RAPGEF5: variants seen among roughly 807,000 people sequenced by gnomAD.
The protein encoded by RAPGEF5 is Rap guanine nucleotide exchange factor 5, also known as M-Ras-regulated GEF.
RAPGEF5 carries 65 observed loss-of-function variants against 125.2 expected under a neutral mutation model. The observed-to-expected ratio is 0.52, with a 90% CI of 0.43 to 0.64. RAPGEF5 has a LOEUF of 0.64. Among genes scored for constraint, RAPGEF5 ranks in the 30% least tolerant of loss-of-function variants. The probability of loss-of-function intolerance (pLI) is 0.00; values close to 1 mark genes in which losing one functional copy is unlikely to be tolerated. For missense variants in RAPGEF5, 958 were observed against 1,048.1 expected, an observed-to-expected ratio of 0.91 and a Z score of 1.19; for synonymous variants, 391 against 385.9, an observed-to-expected ratio of 1.01 and a Z score of -0.16.
At chr7:22,291,146 C>T (rs1427229040) in intron 6 of RAPGEF5, 29 bp downstream of exon 6, 1 of 1,559,646 alleles carries the variant, frequency 6.4e-7, no homozygotes, top group Non-Finnish European at 8.7e-7. Flanking sequence ...ATTTCTGCAC[C>T]CCTAGGCAGG....
At position 22,120,340 on chromosome 7, in the gene RAPGEF5, T is replaced by G. The variant is rs192914203; in HGVS notation, c.*2066A>C. On this transcript the variant is annotated 3_prime_UTR_variant, in exon 26 of 26. Transcript: ENST00000665637. The surrounding 1 kb of genome is among the most constrained non-coding windows in gnomAD (Gnocchi z 4.0). ...TATCTGACTTGGGGTCTGAGCAGCA[T>G]GCAATATGCTGAAATAGTTCTCCAT... 6.6e-6 allele frequency: 1 copy of G among 152,430 alleles called. No individual in the cohort carries two copies. Among genetic ancestry groups the G allele is most frequent in the East Asian group, 1.9e-4 (1 of 5,186 alleles). 9.4% of individuals were successfully genotyped at this position (152,430 alleles called of 1,614,324 possible). A position where few individuals can be genotyped will look rare whatever the true frequency, so the allele number is the denominator to read the frequency against.
chr7:22,302,550 G>A (rs1004411276), intron 5 of RAPGEF5, among the ~76,000 whole-genome samples: 7 of 152,098 alleles, frequency 4.6e-5, no homozygotes, highest in African/African-American at 9.7e-5. Flanking sequence ...GACCAGTGAG[G>A]ATGAAAAAAT....
At chr7:22,252,815 G>T (rs564751800) in intron 7 of RAPGEF5, among the ~76,000 whole-genome samples, 3 of 152,222 alleles carry the variant, frequency 2.0e-5, no homozygotes, top group African/African-American at 7.2e-5. Flanking sequence ...TCTGCTGAAT[G>T]CATTTTCAAT....
In RAPGEF5 at chr7:22,136,950, C is replaced by A; in HGVS notation, c.2311G>T (p.Glu771Ter). 2 of 1,586,948 alleles carry A rather than the reference C, an allele frequency of 1.3e-6. No homozygotes were observed. The highest frequency in any genetic ancestry group is 8.6e-7 in the Non-Finnish European group (1 of 1,162,192). Reference sequence around the variant, plus strand: ...CTACTTACTGTTAAACTTTCAAGTTCAGAGAAAAGTTTCTTAAACTTCCCA... The same window carrying A: ...CTACTTACTGTTAAACTTTCAAGTTAAGAGAAAAGTTTCTTAAACTTCCCA... ...IPGKFKKLFS[E>*]LESLTDPSLN... Residue 771 changes from glutamate (E) to a stop codon, truncating the protein, a stop_gained, in exon 22 of 26, where the codon GAA (glutamate) becomes TAA (stop). Transcript: ENST00000665637. LOFTEE classifies it high-confidence loss of function.
At chr7:22,353,520 G>A (rs1485451875) in intron 1 of RAPGEF5, among the ~76,000 whole-genome samples, 1 of 152,212 alleles carries the variant, frequency 6.6e-6, no homozygotes, top group African/African-American at 2.4e-5. Context: ...CTACAAAAGT[G>A]TATGGAGGGG....
chr7:22,309,520 A>G (rs978116396), intron 4 of RAPGEF5, among the ~76,000 whole-genome samples: 1 of 152,202 alleles, frequency 6.6e-6, no homozygotes, highest in Non-Finnish European at 1.5e-5. Flanking sequence ...TGTTCAGTCT[A>G]AACAGCTAAT....
chr7:22,309,907 T>G (rs1334535416), intron 4 of RAPGEF5, 62 bp downstream of exon 4: 2 of 1,472,774 alleles, frequency 1.4e-6, no homozygotes, highest in Non-Finnish European at 1.8e-6. Context: ...GAAAATCAAG[T>G]GTATTTTCAT....
At chr7:22,175,964 T>C (rs1324613632) in intron 11 of RAPGEF5, among the ~76,000 whole-genome samples, 5 of 152,178 alleles carry the variant, frequency 3.3e-5, no homozygotes, top group African/African-American at 1.2e-4. Flanking sequence ...TTACTTTTTT[T>C]TCATGTATTA....
At chr7:22,154,782 G>A (rs765351130) in intron 16 of RAPGEF5, among the ~76,000 whole-genome samples, 178 bp from the exon 17 acceptor site, 4 of 152,154 alleles carry the variant, frequency 2.6e-5, no homozygotes, top group Non-Finnish European at 4.4e-5. Flanking sequence ...GAGGGTATAC[G>A]TCTATAAATG....
intron 11 of RAPGEF5, among the ~76,000 whole-genome samples, chr7:22,189,740 C>T (rs1008009752): frequency 1.3e-5 from 2 of 152,090 alleles, no homozygotes; most frequent in African/African-American, 4.8e-5. Context: ...TTACCAGACT[C>T]ATAGTTTTCC....
chr7:22,335,991 T>C (rs1044536631), intron 1 of RAPGEF5, among the ~76,000 whole-genome samples: 8 of 152,192 alleles, frequency 5.3e-5, no homozygotes, highest in African/African-American at 1.9e-4. Flanking sequence ...GGTGTTCTTG[T>C]TGATTTTTAG....
chr7:22,275,310 G>C (rs1428373136), intron 6 of RAPGEF5, among the ~76,000 whole-genome samples: 1 of 152,148 alleles, frequency 6.6e-6, no homozygotes. Flanking sequence ...CCGCTGAAAT[G>C]GACTTCTTTA....
intron 21 of RAPGEF5, 59 bp from the exon 22 acceptor site, chr7:22,137,042 C>A: frequency 7.7e-7 from 1 of 1,300,454 alleles, no homozygotes; most frequent in Non-Finnish European, 1.1e-6. Flanking sequence ...TTTTCAGAGG[C>A]ATCGAAGGGA....
At chr7:22,292,823 C>T (rs932031325) in intron 5 of RAPGEF5, among the ~76,000 whole-genome samples, 11 of 152,138 alleles carry the variant, frequency 7.2e-5, no homozygotes, top group Non-Finnish European at 1.5e-4. Flanking sequence ...AACAGACACC[C>T]GAAGTATTAG....
At chr7:22,351,564 A>G (rs931296205) in intron 1 of RAPGEF5, among the ~76,000 whole-genome samples, 1 of 152,148 alleles carries the variant, frequency 6.6e-6, no homozygotes, top group Non-Finnish European at 1.5e-5. Context: ...CCTGTGTTTC[A>G]GTTTCTTCAT....
At chr7:22,203,382 T>TA (rs1562759667) in intron 9 of RAPGEF5, among the ~76,000 whole-genome samples, 1 of 152,212 alleles carries the variant, frequency 6.6e-6, no homozygotes, top group African/African-American at 2.4e-5. Context: ...CTCTGACTGT[T>TA]ACATTTTTAA....
chr7:22,250,828 G>A (rs1028663990), intron 7 of RAPGEF5, among the ~76,000 whole-genome samples: 1 of 152,172 alleles, frequency 6.6e-6, no homozygotes, highest in East Asian at 1.9e-4. Context: ...TTGGTACTTA[G>A]GACATGACCT....
At chr7:22,142,844 G>A (rs961290517) in intron 20 of RAPGEF5, among the ~76,000 whole-genome samples, 6 of 152,224 alleles carry the variant, frequency 3.9e-5, no homozygotes, top group African/African-American at 7.2e-5. Flanking sequence ...CAGGAAAAAC[G>A]CTTCATGATT....
chr7:22,259,243 G>A (rs1782086835), intron 7 of RAPGEF5, among the ~76,000 whole-genome samples: 1 of 152,124 alleles, frequency 6.6e-6, no homozygotes, highest in Admixed American at 6.5e-5. Context: ...CACATGAAAA[G>A]ATGCTCAACA....
Sources: allele counts gnomAD v4.1 joint callset (sites outside exome capture counted in the v4.1 genomes callset), GRCh38; gene constraint gnomAD v4.1.1; non-coding constraint Gnocchi (gnomAD v3.1); transcripts MANE v1.5; gene names NCBI Gene and HGNC (gene_info 2026-07-23, HGNC 2026-07-21).